ATRNL1: variants seen among roughly 807,000 people sequenced by gnomAD.
The protein encoded by ATRNL1 is attractin-like protein 1.
In ATRNL1, 95 loss-of-function variants were observed where a neutral mutation model predicts 182.7. The ratio of observed to expected loss-of-function variants is 0.52; its 90% CI spans 0.44 to 0.62. ATRNL1 has a LOEUF of 0.62. ATRNL1 is among the 20% of genes least tolerant of loss of function. The pLI is 0.00. For synonymous variants in ATRNL1, 576 were observed against 568.3 expected (o/e 1.01, Z -0.19); for missense variants, 1,471 against 1,679.5 (o/e 0.88, Z 2.17).
intron 15 of ATRNL1, among the ~76,000 whole-genome samples, chr10:115,291,940 A>G (rs1279847036): frequency 6.6e-6 from 1 of 150,524 alleles, no homozygotes; most frequent in Admixed American, 6.6e-5. Context: ...ATTGGTTTTA[A>G]TTATTTTTGA....
At chr10:115,625,022 G>C (rs1229159143) in intron 26 of ATRNL1, among the ~76,000 whole-genome samples, 1 of 152,080 alleles carries the variant, frequency 6.6e-6, no homozygotes, top group East Asian at 1.9e-4. Flanking sequence ...TAAAATTCAA[G>C]GGGATACTTT....
chr10:115,499,592 A>T lies in ATRNL1; in HGVS notation c.3655-19671A>T, dbSNP rs782023597. On this transcript the variant is annotated intron_variant, in intron 24 of 28. Transcript: ENST00000355044. ...GACATAAGACATTAACATATGTAAG[A>T]TGAACATTGATTCAGTCTGGAAAGG... is the stretch of plus-strand genomic sequence containing the variant. 1.4e-4 allele frequency among the ~76,000 whole-genome samples: 22 copies of T among 152,302 alleles called. No individual in the cohort carries two copies. The Middle Eastern group carries it at 0.017, about 118-fold the overall frequency.
chr10:115,469,127 A>G, intron 23 of ATRNL1, 45 bp from the exon 24 acceptor site: 4 of 755,422 alleles, frequency 5.3e-6, no homozygotes, highest in South Asian at 5.4e-5. Context: ...TTAAATTCAT[A>G]AAGATATTTC....
At chr10:115,426,448 G>T in intron 21 of ATRNL1, 146 bp downstream of exon 21, 1 of 556,684 alleles carries the variant, frequency 1.8e-6, no homozygotes. Flanking sequence ...TACGTATATT[G>T]CTAAGAAATA....
At chr10:115,382,423 G>T (rs1374010385) in intron 19 of ATRNL1, among the ~76,000 whole-genome samples, 4 of 151,392 alleles carry the variant, frequency 2.6e-5, no homozygotes, top group East Asian at 1.9e-4. Flanking sequence ...TATTTCGTGA[G>T]AATTTTATTT....
chr10:115,460,552 C>G (rs1385278685), intron 21 of ATRNL1, among the ~76,000 whole-genome samples: 1 of 152,152 alleles, frequency 6.6e-6, no homozygotes, highest in African/African-American at 2.4e-5. Context: ...ACCCTGGCCT[C>G]CATTACCTCC....
chr10:115,711,702 A>C (rs1947068282), intron 26 of ATRNL1, among the ~76,000 whole-genome samples: 1 of 152,162 alleles, frequency 6.6e-6, no homozygotes, highest in African/African-American at 2.4e-5. Flanking sequence ...AATGGGTTGG[A>C]ACAGGACATA....
At chr10:115,248,841 A>G (rs1385206327) in intron 10 of ATRNL1, among the ~76,000 whole-genome samples, 4 of 152,190 alleles carry the variant, frequency 2.6e-5, no homozygotes, top group Non-Finnish European at 4.4e-5. Flanking sequence ...CAACATCCAG[A>G]AATGTAATTT....
At chr10:115,559,809 A>G (rs1262991560) in intron 26 of ATRNL1, among the ~76,000 whole-genome samples, 1 of 152,160 alleles carries the variant, frequency 6.6e-6, no homozygotes, top group Non-Finnish European at 1.5e-5. Flanking sequence ...ACTTTTTTTA[A>G]ATCACTTATA....
At chr10:115,172,769 TCCATACTTCTAGCCCTAC>T (rs1554885940) in intron 8 of ATRNL1, among the ~76,000 whole-genome samples, 1 of 151,862 alleles carries the variant, frequency 6.6e-6, no homozygotes, top group East Asian at 1.9e-4. Flanking sequence ...ACCTTTTTAA[TCCATACTTCTAGCCCTAC>T]CCATACTTCT....
chr10:115,936,624 C>T (rs944707145), intron 28 of ATRNL1, among the ~76,000 whole-genome samples: 5 of 152,148 alleles, frequency 3.3e-5, no homozygotes, highest in Non-Finnish European at 5.9e-5. Context: ...CATAACCTCA[C>T]TTAAGGCAGT....
At chr10:115,328,485 A>T (rs1274794288) in intron 18 of ATRNL1, among the ~76,000 whole-genome samples, 1 of 152,102 alleles carries the variant, frequency 6.6e-6, no homozygotes, top group African/African-American at 2.4e-5. Context: ...TGTTAGCTAT[A>T]ATCACCTTAC....
At chr10:115,632,762 AAC>A (rs1299680291) in intron 26 of ATRNL1, among the ~76,000 whole-genome samples, 2 of 152,132 alleles carry the variant, frequency 1.3e-5, no homozygotes, top group African/African-American at 4.8e-5. Context: ...ATCACACACA[AAC>A]ACACAATTTT....
chr10:115,426,664 C>T (rs188738277), intron 21 of ATRNL1, among the ~76,000 whole-genome samples: 63 of 152,116 alleles, frequency 4.1e-4, no homozygotes, highest in African/African-American at 1.5e-3. Flanking sequence ...AAAGGCTGCA[C>T]TGATTTTGTA....
At chr10:115,315,457 C>T in intron 17 of ATRNL1, 61 bp from the exon 18 acceptor site, 1 of 1,168,486 alleles carries the variant, frequency 8.6e-7, no homozygotes, top group Non-Finnish European at 1.2e-6. Context: ...TTTTATTAGC[C>T]TATAATTCTG....
chr10:115,589,632 T>C (rs1413609718), intron 26 of ATRNL1, among the ~76,000 whole-genome samples: 4 of 152,182 alleles, frequency 2.6e-5, no homozygotes, highest in African/African-American at 9.6e-5. Context: ...TTTCTTGGCC[T>C]AGATCATGAT....
intron 19 of ATRNL1, among the ~76,000 whole-genome samples, chr10:115,339,561 A>G (rs1855642472): frequency 6.6e-6 from 1 of 152,142 alleles, no homozygotes; most frequent in Admixed American, 6.5e-5. Context: ...TTGATTTTGT[A>G]TCCTTCAATT....
At chr10:115,721,103 G>A (rs1370649692) in intron 26 of ATRNL1, among the ~76,000 whole-genome samples, 1 of 152,112 alleles carries the variant, frequency 6.6e-6, no homozygotes, top group Non-Finnish European at 1.5e-5. Flanking sequence ...TTAGAGGTCT[G>A]TGATCTGCAG....
Position 115,564,913 on chromosome 10 carries a change from T to C in ATRNL1, c.3795+15377T>C, listed in dbSNP as rs560967039. ...CTAATAAATTATTATAATTCTGAATTATTTTGCAACATAAAAAATAATATT... is the reference window on the plus strand; with the variant it reads ...CTAATAAATTATTATAATTCTGAATCATTTTGCAACATAAAAAATAATATT... On this transcript the variant is annotated intron_variant, in intron 26 of 28. Transcript: ENST00000355044. Among the ~76,000 whole-genome samples, 5 of 152,136 alleles carry C rather than the reference T, an allele frequency of 3.3e-5. No individual in the cohort carries two copies. In the South Asian group the frequency reaches 1.0e-3, roughly 32 times the overall value.
Sources: allele counts gnomAD v4.1 joint callset (sites outside exome capture counted in the v4.1 genomes callset), GRCh38; gene constraint gnomAD v4.1.1; transcripts MANE v1.5; gene names NCBI Gene and HGNC (gene_info 2026-07-23, HGNC 2026-07-21).